Variants in LPL observed in about 807,000 individuals in gnomAD.
The protein encoded by LPL is lipoprotein lipase.
A neutral mutation model predicts 52.2 loss-of-function variants in LPL; 43 were observed. That is an observed-to-expected ratio of 0.82 (90% CI 0.64 to 1.06). LPL has a LOEUF of 1.06. LPL is among the 50% of genes least tolerant of loss of function. The pLI, the probability that LPL is intolerant of heterozygous loss-of-function variation, is 0.00. For synonymous variants in LPL, 244 were observed against 215.6 expected, an observed-to-expected ratio of 1.13 and a Z score of -1.15; for missense variants, 639 against 585.3, an observed-to-expected ratio of 1.09 and a Z score of -0.95.
intron 1 of LPL, among the ~76,000 whole-genome samples, chr8:19,940,163 G>T (rs963385104): frequency 2.6e-5 from 4 of 152,198 alleles, no homozygotes; most frequent in Non-Finnish European, 5.9e-5. Flanking sequence ...TCCTGGGGAC[G>T]CGGCGTCCCA....
intron 6 of LPL, among the ~76,000 whole-genome samples, chr8:19,957,131 C>G (rs1406999756): frequency 6.6e-6 from 1 of 152,188 alleles, no homozygotes; most frequent in African/African-American, 2.4e-5. Flanking sequence ...ATATCTCACA[C>G]CTTCTAAGAT....
At chr8:19,951,336 G>GC in intron 2 of LPL, among the ~76,000 whole-genome samples, 1 of 152,238 alleles carries the variant, frequency 6.6e-6, no homozygotes, top group South Asian at 2.1e-4. Context: ...TACAAAGGGT[G>GC]CCCAACACCC....
In LPL at chr8:19,939,554, C is replaced by A. The variant is rs576280825; in HGVS notation, c.88+26C>A. ...GTAAGTTTTGCGCGCAAACTCCCCTCCACCTGCAGACCCGGCGGGTGGCCA... is the reference window on the plus strand; with the variant it reads ...GTAAGTTTTGCGCGCAAACTCCCCTACACCTGCAGACCCGGCGGGTGGCCA... On this transcript the variant is annotated intron_variant, in intron 1 of 9. Transcript: ENST00000650287. This position sits in a 1 kb window ranked among gnomAD's most constrained non-coding sequence, Gnocchi z 4.0. The A allele has an allele frequency of 1.3e-6, 2 of 1,596,006 alleles. No individual in the cohort carries two copies. The highest frequency in any genetic ancestry group is 2.7e-5 in the African/African-American group (2 of 74,872).
intron 8 of LPL, among the ~76,000 whole-genome samples, chr8:19,961,905 A>G (rs1288178679): frequency 1.3e-5 from 2 of 152,180 alleles, no homozygotes; most frequent in African/African-American, 2.4e-5. Context: ...TATCTAAATT[A>G]ACTAGCTTGG....
At position 19,950,853 on chromosome 8, in the gene LPL, G is replaced by C. The variant is rs2069927438; in HGVS notation, c.250-916G>C. Among the ~76,000 whole-genome samples, 1 of 149,020 alleles carries C rather than the reference G, an allele frequency of 6.7e-6. No individual in the cohort carries two copies. Among genetic ancestry groups the C allele is most frequent in the Admixed American group, 6.8e-5 (1 of 14,808 alleles). Reference sequence around the variant, plus strand: ...GAAAGGAAGGAATGAAAGGAAGGAAGGGAAGGAGGAAGGGAAGGAGGGAGG... The same window carrying C: ...GAAAGGAAGGAATGAAAGGAAGGAACGGAAGGAGGAAGGGAAGGAGGGAGG... On this transcript the variant is annotated intron_variant, in intron 2 of 9. Transcript: ENST00000650287. The surrounding 1 kb of genome is among the most constrained non-coding windows in gnomAD (Gnocchi z 4.2).
intron 1 of LPL, among the ~76,000 whole-genome samples, chr8:19,942,758 T>C (rs1321015951): frequency 7.2e-5 from 11 of 152,228 alleles, no homozygotes; most frequent in Non-Finnish European, 2.9e-5. Flanking sequence ...ACTGCGTGAC[T>C]GCAGTTTGCT....
At position 19,939,762 on chromosome 8, in the gene LPL, C is replaced by G. The variant is rs960497642; in HGVS notation, c.88+234C>G. 1.3e-5 allele frequency among the ~76,000 whole-genome samples: 2 copies of G among 152,202 alleles called. No individual in the cohort carries two copies. The highest frequency in any genetic ancestry group is 2.9e-5 in the Non-Finnish European group (2 of 68,044). On this transcript the variant is annotated intron_variant, in intron 1 of 9. Coordinates refer to ENST00000650287, the MANE Select transcript of LPL (RefSeq NM_000237.3). This position sits in a 1 kb window ranked among gnomAD's most constrained non-coding sequence, Gnocchi z 4.0. ...CCCAGTTCCCGCTTTTTCTCTCTGCCGGGTTCCCGCGCTATCCCTTCCACT... is the reference window on the plus strand; with the variant it reads ...CCCAGTTCCCGCTTTTTCTCTCTGCGGGGTTCCCGCGCTATCCCTTCCACT...
rs138065727 is a variant in LPL, at chr8:19,955,848, C to T, written c.783C>T (p.Asp261=). 39 of 1,614,044 alleles carry T rather than the reference C, an allele frequency of 2.4e-5. No individual in the cohort carries two copies. Among genetic ancestry groups the T allele is most frequent in the Non-Finnish European group, 3.1e-5 (36 of 1,180,042 alleles). ...TGTCTCTTTTTTACCCAGATGTGGA[C>T]CAGCTAGTGAAGTGCTCCCACGAGC... ...VIAERGLGDV[D]QLVKCSHERS... Residue 261 remains aspartate (D), a synonymous_variant, in exon 6 of 10, where the codon GAC becomes GAT. Transcript: ENST00000650287.
chr8:19,959,165 G>A (rs760953516), intron 6 of LPL, 95 bp from the exon 7 acceptor site: 14 of 1,510,696 alleles, frequency 9.3e-6, no homozygotes, highest in Non-Finnish European at 1.1e-5. Flanking sequence ...TTGAGTGCTA[G>A]TGAGATACTT....
Position 19,965,340 on chromosome 8 carries a change from G to T in LPL, c.*30G>T, listed in dbSNP as rs190991033. 1 of 780,520 alleles carries T rather than the reference G, an allele frequency of 1.3e-6. No individual in the cohort carries two copies. Among genetic ancestry groups the T allele is most frequent in the South Asian group, 1.3e-5 (1 of 74,508 alleles). 48.3% of individuals were successfully genotyped at this position (780,520 alleles called of 1,614,324 possible). On this transcript the variant is annotated 3_prime_UTR_variant, in exon 10 of 10. Transcript: ENST00000650287. Reference sequence around the variant, plus strand: ...GGGCGAATCTACAGAACAAAGAACGGCATGTGAATTCTGTGAAGAATGAAG... The same window carrying T: ...GGGCGAATCTACAGAACAAAGAACGTCATGTGAATTCTGTGAAGAATGAAG...
chr8:19,949,706 C>G (rs2069916692), intron 2 of LPL, among the ~76,000 whole-genome samples: 1 of 152,218 alleles, frequency 6.6e-6, no homozygotes, highest in Non-Finnish European at 1.5e-5. Flanking sequence ...TGGTCTCGAA[C>G]TCCTGACCTC....
chr8:19,965,181 A>G, intron 9 of LPL, 129 bp from the exon 10 acceptor site: 1 of 704,252 alleles, frequency 1.4e-6, no homozygotes, highest in Non-Finnish European at 2.6e-6. Flanking sequence ...CCCTGGGTTT[A>G]TTCTCACAAC....
chr8:19,940,925 T>C (rs577153635), intron 1 of LPL, among the ~76,000 whole-genome samples: 36 of 148,814 alleles, frequency 2.4e-4, no homozygotes, highest in African/African-American at 9.1e-4. Flanking sequence ...ACACCGTCTC[T>C]ATAAAAAAAA....
rs141502542 is a variant in LPL, at chr8:19,960,930, C to T, written c.1169C>T (p.Ser390Phe). Residue 390 changes from serine to phenylalanine, a missense_variant, in exon 8 of 10, where the codon TCC (serine) becomes TTC (phenylalanine). Physicochemically the swap from Ser to Phe is radical, Grantham distance 155 (BLOSUM62 -2). Coordinates refer to ENST00000650287, the MANE Select transcript of LPL (RefSeq NM_000237.3). Reference protein sequence around the residue: ...LPEVSTNKTYSFLIYTEVDIG... With the variant: ...LPEVSTNKTYFFLIYTEVDIG... ...GAAGTTTCCACAAATAAGACCTACTCCTTCCTAATTTACACAGAGGTAGAT... is the reference window on the plus strand; with the variant it reads ...GAAGTTTCCACAAATAAGACCTACTTCTTCCTAATTTACACAGAGGTAGAT... The T allele has an allele frequency of 1.2e-5, 19 of 1,613,840 alleles. No homozygotes were observed. In the African/African-American group the frequency reaches 1.5e-4, roughly 12 times the overall value.
Position 19,939,641 on chromosome 8 carries a change from A to G in LPL, c.88+113A>G. On this transcript the variant is annotated intron_variant, in intron 1 of 9. Coordinates refer to ENST00000650287, the MANE Select transcript of LPL (RefSeq NM_000237.3). This position sits in a 1 kb window ranked among gnomAD's most constrained non-coding sequence, Gnocchi z 4.0. ...GAAGGGGCGGTGGATGCGCCCAGGG[A>G]CTCTCCCAGCCTGGGCTCTAGCCCC... is the stretch of plus-strand genomic sequence containing the variant. 1 of 1,109,530 alleles carries G rather than the reference A, an allele frequency of 9.0e-7. No individual in the cohort carries two copies. The highest frequency in any genetic ancestry group is 1.3e-6 in the Non-Finnish European group (1 of 766,196). The allele number at this position is 1,109,530 out of a possible 1,614,324, so 68.7% of individuals were successfully genotyped here.
chr8:19,959,496 A>G, intron 7 of LPL, 116 bp downstream of exon 7: 1 of 1,330,766 alleles, frequency 7.5e-7, no homozygotes, highest in Non-Finnish European at 1.0e-6. Context: ...AGTTAAAAAA[A>G]TCAGAATTTC....
chr8:19,959,394 G>A lies in LPL; in HGVS notation c.1139+14G>A, dbSNP rs374674661. 13 of 1,613,874 alleles carry A rather than the reference G, an allele frequency of 8.1e-6. No homozygotes were observed. Among genetic ancestry groups the A allele is most frequent in the East Asian group, 4.5e-5 (2 of 44,874 alleles). On this transcript the variant is annotated intron_variant, in intron 7 of 9. Transcript: ENST00000650287. ...CCCATTCACTCTGTGAGTAGCACAG[G>A]GGGGCGGTCATCATGGCACCAGTCC...
chr8:19,948,380 G>A (rs1469485916), intron 2 of LPL, 40 bp downstream of exon 2: 3 of 1,611,146 alleles, frequency 1.9e-6, no homozygotes, highest in Non-Finnish European at 1.7e-6. Context: ...TTGGGGTGGT[G>A]AGGTATCCTG....
chr8:19,951,807 G>A lies in LPL; in HGVS notation c.288G>A (p.Val96=), dbSNP rs1009374653. 3.7e-6 allele frequency: 6 copies of A among 1,614,064 alleles called. No individual in the cohort carries two copies. The highest frequency in any genetic ancestry group is 5.1e-6 in the Non-Finnish European group (6 of 1,180,052). The stretch of plus-strand genomic sequence containing the variant: ...ATGAGAGTTGGGTGCCAAAACTTGT[G>A]GCCGCCCTGTACAAGAGAGAACCAG... The part of the protein sequence containing the change: ...GMYESWVPKL[V]AALYKREPDS... Residue 96 remains valine (V), a synonymous_variant, in exon 3 of 10, where the codon GTG becomes GTA. Coordinates refer to ENST00000650287, the MANE Select transcript of LPL (RefSeq NM_000237.3).
Sources: gnomAD v4.1 joint callset for allele counts (sites outside exome capture counted in the v4.1 genomes callset) on GRCh38, gnomAD v4.1.1 for gene constraint, Gnocchi (gnomAD v3.1) non-coding constraint, MANE v1.5 for transcripts, NCBI Gene and HGNC (gene_info 2026-07-23, HGNC 2026-07-21) for gene names.